The following ATP8A1 variants were observed in gnomAD, a reference collection of about 807,000 sequenced individuals.
The protein encoded by ATP8A1 is ATPase phospholipid transporting 8A1, also known as phospholipid-transporting ATPase IA.
ATP8A1 carries 90 observed loss-of-function variants against 177.7 expected under a neutral mutation model. That is an observed-to-expected ratio of 0.51 (90% CI 0.43 to 0.60). The LOEUF is 0.60. ATP8A1 is among the 20% of genes least tolerant of loss of function. ATP8A1 has a pLI of 0.00. For missense variants in ATP8A1, 1,072 were observed against 1,392.8 expected (o/e 0.77, Z 3.67); for synonymous variants, 493 against 485.9 (o/e 1.01, Z -0.19).
At chr4:42,414,818 T>C in intron 35 of ATP8A1, 100 bp from the exon 36 acceptor site, 1 of 848,656 alleles carries the variant, frequency 1.2e-6, no homozygotes, top group Non-Finnish European at 2.0e-6. Flanking sequence ...AAACAAAAGA[T>C]TGCTCGAGAA....
At chr4:42,553,741 C>T (rs1198061483) in intron 16 of ATP8A1, among the ~76,000 whole-genome samples, 4 of 152,060 alleles carry the variant, frequency 2.6e-5, no homozygotes, top group African/African-American at 7.2e-5. Flanking sequence ...TGAAGCTTGG[C>T]GTTGTGGGGA....
At chr4:42,569,326 ACTT>A in intron 14 of ATP8A1, 121 bp from the exon 15 acceptor site, 1 of 594,728 alleles carries the variant, frequency 1.7e-6, no homozygotes, top group Non-Finnish European at 2.8e-6. Context: ...AACAAAATGA[ACTT>A]TTAGTTGAAT....
At position 42,465,156 on chromosome 4, in the gene ATP8A1, T is replaced by C. The variant is rs1398370655; in HGVS notation, c.2325-80A>G. 3.2e-6 allele frequency: 4 copies of C among 1,254,090 alleles called. No homozygotes were observed. The African/African-American group carries it at 4.5e-5, about 14-fold the overall frequency. The allele number at this position is 1,254,090 out of a possible 1,614,324, so 77.7% of individuals were successfully genotyped here. A position where few individuals can be genotyped will look rare whatever the true frequency, so the allele number is the denominator to read the frequency against. On this transcript the variant is annotated intron_variant, in intron 25 of 36. Transcript: ENST00000381668. Reference sequence around the variant, plus strand: ...TGCCATCGTGTTGAAGGATAAAAGATGCAAAAGACCTAAATGAATAGTTCT... The same window carrying C: ...TGCCATCGTGTTGAAGGATAAAAGACGCAAAAGACCTAAATGAATAGTTCT...
At chr4:42,455,500 G>A in intron 28 of ATP8A1, 25 bp downstream of exon 28, 1 of 1,613,284 alleles carries the variant, frequency 6.2e-7, no homozygotes, top group South Asian at 1.1e-5. Flanking sequence ...AATGAAACAG[G>A]AATTATCAAA....
Position 42,552,459 on chromosome 4 carries a change from G to C in ATP8A1, c.1519+46C>G, listed in dbSNP as rs754171066. Reference sequence around the variant, plus strand: ...AAAATTAAATTGACTTTTACATTCAGAACAATTTTCCACAAAACAATACTT... The same window carrying C: ...AAAATTAAATTGACTTTTACATTCACAACAATTTTCCACAAAACAATACTT... On this transcript the variant is annotated intron_variant, in intron 17 of 36. Transcript: ENST00000381668. The C allele has an allele frequency of 4.8e-6, 7 of 1,463,786 alleles. No homozygotes were observed. In the Admixed American group the frequency reaches 1.3e-4, roughly 27 times the overall value. The allele number at this position is 1,463,786 out of a possible 1,614,324, so 90.7% of individuals were successfully genotyped here.
chr4:42,445,589 GC>G (rs1246513236), intron 31 of ATP8A1, among the ~76,000 whole-genome samples: 1 of 152,150 alleles, frequency 6.6e-6, no homozygotes, highest in African/African-American at 2.4e-5. Flanking sequence ...TGCTTGAAGT[GC>G]CCAGTTCTAC....
In ATP8A1 at chr4:42,410,239, C is replaced by A. The variant is rs1460679011; in HGVS notation, c.*2677G>T. ...ATGCTCAATACCACTGTATACTATT[C>A]AACATTAAAGAAGCAACTTCCAGCT... On this transcript the variant is annotated 3_prime_UTR_variant, in exon 37 of 37. Transcript: ENST00000381668. The A allele has an allele frequency of 6.6e-6, 1 of 152,004 alleles. No individual in the cohort carries two copies. Among genetic ancestry groups the A allele is most frequent in the Admixed American group, 6.6e-5 (1 of 15,256 alleles). 9.4% of individuals were successfully genotyped at this position (152,004 alleles called of 1,614,324 possible). A position where few individuals can be genotyped will look rare whatever the true frequency, so the allele number is the denominator to read the frequency against.
At chr4:42,642,514 A>G (rs957772831) in intron 1 of ATP8A1, among the ~76,000 whole-genome samples, 1 of 152,204 alleles carries the variant, frequency 6.6e-6, no homozygotes, top group African/African-American at 2.4e-5. Flanking sequence ...ACAGATTAAG[A>G]TAGGATGTGT....
intron 33 of ATP8A1, among the ~76,000 whole-genome samples, chr4:42,439,395 TG>T (rs1479594012): frequency 1.3e-5 from 2 of 152,232 alleles, no homozygotes; most frequent in Non-Finnish European, 2.9e-5. Flanking sequence ...AATCACAAGA[TG>T]TTGGAAAGAT....
intron 27 of ATP8A1, among the ~76,000 whole-genome samples, chr4:42,464,149 T>C (rs576300432): frequency 1.3e-5 from 2 of 152,360 alleles, no homozygotes; most frequent in Admixed American, 1.3e-4. Context: ...ATTAATAATG[T>C]ATTTTTTACA....
At chr4:42,432,697 A>G (rs746984787) in intron 33 of ATP8A1, among the ~76,000 whole-genome samples, 11 of 152,194 alleles carry the variant, frequency 7.2e-5, no homozygotes, top group Non-Finnish European at 1.6e-4. Context: ...CTAAGTTCAT[A>G]TGAACCTTGG....
At chr4:42,538,443 A>G (rs1259640074) in intron 20 of ATP8A1, among the ~76,000 whole-genome samples, 1 of 152,224 alleles carries the variant, frequency 6.6e-6, no homozygotes, top group Non-Finnish European at 1.5e-5. Flanking sequence ...AAGCACAGCA[A>G]AAAATATAAT....
At chr4:42,649,577 AG>A (rs1740881093) in intron 1 of ATP8A1, among the ~76,000 whole-genome samples, 1 of 152,210 alleles carries the variant, frequency 6.6e-6, no homozygotes, top group African/African-American at 2.4e-5. Context: ...GTAAGCAGGC[AG>A]TACTTCTATC....
intron 25 of ATP8A1, among the ~76,000 whole-genome samples, chr4:42,477,587 A>T (rs1721210349): frequency 6.6e-6 from 1 of 152,182 alleles, no homozygotes; most frequent in East Asian, 1.9e-4. Context: ...CATTGTAGCA[A>T]AGATTTGGAG....
At chr4:42,475,440 A>G (rs2153186489) in intron 25 of ATP8A1, among the ~76,000 whole-genome samples, 1 of 152,104 alleles carries the variant, frequency 6.6e-6, no homozygotes, top group South Asian at 2.1e-4. Flanking sequence ...AACAAAAGAC[A>G]AGACACATAA....
At chr4:42,531,591 A>G (rs1355880004) in intron 20 of ATP8A1, among the ~76,000 whole-genome samples, 1 of 152,202 alleles carries the variant, frequency 6.6e-6, no homozygotes, top group African/African-American at 2.4e-5. Flanking sequence ...AGAAAAAAAT[A>G]AAAGGAATAC....
chr4:42,433,390 T>G (rs1280709051), intron 33 of ATP8A1, among the ~76,000 whole-genome samples: 1 of 152,182 alleles, frequency 6.6e-6, no homozygotes, highest in Non-Finnish European at 1.5e-5. Context: ...TGGACTCTTT[T>G]TGAAACTTTT....
intron 24 of ATP8A1, among the ~76,000 whole-genome samples, chr4:42,486,970 T>A (rs1353912596): frequency 6.6e-6 from 1 of 152,232 alleles, no homozygotes; most frequent in Non-Finnish European, 1.5e-5. Context: ...TATCATTTCA[T>A]TAAGCAAACT....
rs562378698 is a variant in ATP8A1 at position 42,548,898 on chromosome 4, T to C, written c.1652+115A>G. Reference sequence around the variant, plus strand: ...AAAGATTTTGATTTAATATTTTGTCTAAACAAATTTAGTTAAATAAAAACA... The same window carrying C: ...AAAGATTTTGATTTAATATTTTGTCCAAACAAATTTAGTTAAATAAAAACA... On this transcript the variant is annotated intron_variant, in intron 19 of 36. Transcript: ENST00000381668. The C allele has an allele frequency of 3.8e-4, 302 of 792,698 alleles. No homozygotes were observed. In the African/African-American group the frequency reaches 4.5e-3, roughly 12 times the overall value. The allele number at this position is 792,698 out of a possible 1,614,324, so 49.1% of individuals were successfully genotyped here. A position where few individuals can be genotyped will look rare whatever the true frequency, so the allele number is the denominator to read the frequency against.
Sources: gnomAD v4.1 joint callset for allele counts (sites outside exome capture counted in the v4.1 genomes callset) on GRCh38, gnomAD v4.1.1 for gene constraint, MANE v1.5 for transcripts, NCBI Gene and HGNC (gene_info 2026-07-23, HGNC 2026-07-21) for gene names.